Variants in MEAK7 observed in about 807,000 individuals in gnomAD.
The protein encoded by MEAK7 is MTOR-associated protein MEAK7.
In MEAK7, 68 loss-of-function variants were observed where a neutral mutation model predicts 40.5. The ratio of observed to expected loss-of-function variants is 1.68; its 90% CI spans 1.38 to 2.06. The LOEUF (loss-of-function observed/expected upper bound fraction) is 2.06. Ranked by LOEUF, MEAK7 falls within the 30% of genes most tolerant of loss-of-function variation. MEAK7 has a pLI of 0.00. For missense variants in MEAK7, 918 were observed against 580.5 expected (o/e 1.58, Z -5.98); for synonymous variants, 338 against 231.9 (o/e 1.46, Z -4.16).
chr16:84,483,002 G>A (rs763126368), intron 5 of MEAK7, among the ~76,000 whole-genome samples: 2 of 152,192 alleles, frequency 1.3e-5, no homozygotes, highest in Non-Finnish European at 1.5e-5. Flanking sequence ...GTTCAGGCTG[G>A]CCAAGCACAT....
Position 84,481,791 on chromosome 16 carries a change from A to G in MEAK7, c.1077+801T>C, listed in dbSNP as rs1211147549. Among the ~76,000 whole-genome samples the G allele has an allele frequency of 2.0e-5, 3 of 152,090 alleles. No homozygotes were observed. The East Asian group carries it at 5.8e-4, about 29-fold the overall frequency. On this transcript the variant is annotated intron_variant, in intron 6 of 7. Coordinates refer to ENST00000343629, the MANE Select transcript of MEAK7 (RefSeq NM_020947.4). ...TACTAAAAATACAAAAAAATTAGCC[A>G]GGCGTGATAGCGGGTGCCTGTGGTC...
intron 5 of MEAK7, among the ~76,000 whole-genome samples, chr16:84,484,549 GTTC>G (rs1228915368): frequency 3.3e-5 from 5 of 152,166 alleles, no homozygotes; most frequent in South Asian, 2.1e-4. Context: ...AGTATAATCA[GTTC>G]TTCTTTCCTC....
intron 4 of MEAK7, chr16:84,487,770 A>G (rs1913222483): frequency 6.6e-6 from 1 of 152,298 alleles, no homozygotes; most frequent in Admixed American, 6.5e-5. Context: ...GGACTCGAAC[A>G]GCTGGCTTCA....
chr16:84,485,112 C>T (rs1285076232), intron 5 of MEAK7, among the ~76,000 whole-genome samples: 1 of 152,130 alleles, frequency 6.6e-6, no homozygotes, highest in Non-Finnish European at 1.5e-5. Flanking sequence ...GGCTGGTGGG[C>T]ACATGCCCTA....
intron 1 of MEAK7, 116 bp from the exon 2 acceptor site, chr16:84,498,227 T>C (rs1275749642): frequency 3.2e-6 from 4 of 1,239,192 alleles, no homozygotes; most frequent in Admixed American, 2.6e-5. Context: ...AAAATGTAGC[T>C]AAAACACATC....
At chr16:84,484,031 G>A (rs542405736) in intron 5 of MEAK7, among the ~76,000 whole-genome samples, 5 of 152,148 alleles carry the variant, frequency 3.3e-5, no homozygotes, top group East Asian at 1.9e-4. Flanking sequence ...GGTCACACCC[G>A]TCTGCACTGC....
chr16:84,495,132 G>A (rs572895730), intron 3 of MEAK7, among the ~76,000 whole-genome samples: 84 of 152,248 alleles, frequency 5.5e-4, no homozygotes, highest in Non-Finnish European at 9.9e-4. Context: ...GGCCAGGCAC[G>A]GTGGTGTGTG....
chr16:84,488,540 C>A (rs1232978613), intron 4 of MEAK7: 1 of 151,926 alleles, frequency 6.6e-6, no homozygotes, highest in Non-Finnish European at 1.5e-5. Context: ...ATACTATAGG[C>A]CATAAATGAT....
intron 6 of MEAK7, 28 bp from the exon 7 acceptor site, chr16:84,480,736 G>A: frequency 6.3e-7 from 1 of 1,585,406 alleles, no homozygotes; most frequent in Non-Finnish European, 8.6e-7. Flanking sequence ...ACAGAGAATA[G>A]CATCAGCAAC....
rs1312542571 is a variant in MEAK7 at position 84,477,798 on chromosome 16, A to C, written c.*2115T>G. On this transcript the variant is annotated 3_prime_UTR_variant, in exon 8 of 8. Coordinates refer to ENST00000343629, the MANE Select transcript of MEAK7 (RefSeq NM_020947.4). ...CCTGCACACGCCCTAAAAAGGTTTG[A>C]GTGTCCAGAGGCAGAACCGTGCACC... The C allele has an allele frequency of 6.6e-6, 1 of 152,160 alleles. No individual in the cohort carries two copies. Among genetic ancestry groups the C allele is most frequent in the Non-Finnish European group, 1.5e-5 (1 of 68,056 alleles). 9.4% of individuals were successfully genotyped at this position (152,160 alleles called of 1,614,324 possible).
chr16:84,484,497 C>A (rs1181902171), intron 5 of MEAK7, among the ~76,000 whole-genome samples: 1 of 152,152 alleles, frequency 6.6e-6, no homozygotes, highest in Non-Finnish European at 1.5e-5. Flanking sequence ...AGCCTTGGGC[C>A]TTTTCAATGA....
At chr16:84,493,687 G>C (rs1158429027) in intron 3 of MEAK7, among the ~76,000 whole-genome samples, 1 of 151,980 alleles carries the variant, frequency 6.6e-6, no homozygotes, top group Non-Finnish European at 1.5e-5. Flanking sequence ...CTTAATTTAT[G>C]GCAATATAAT....
chr16:84,482,315 C>A (rs917410972), intron 6 of MEAK7, among the ~76,000 whole-genome samples: 3 of 152,238 alleles, frequency 2.0e-5, no homozygotes. Context: ...GGCTACAAAC[C>A]AATCATCTGA....
At chr16:84,480,838 C>T (rs1463542982) in intron 6 of MEAK7, 130 bp from the exon 7 acceptor site, 1 of 1,009,602 alleles carries the variant, frequency 9.9e-7, no homozygotes, top group Non-Finnish European at 1.4e-6. Context: ...TGAATGCCAT[C>T]ATCTTGTTTT....
intron 1 of MEAK7, among the ~76,000 whole-genome samples, chr16:84,499,495 A>G (rs12923086): frequency 0.33 from 50,503 of 152,102 alleles, 8,912 homozygotes; most frequent in East Asian, 0.56. Context: ...AAGGGGTAAC[A>G]GGGTAATCAG....
rs150827577 is a variant in MEAK7, at chr16:84,479,951, G to T, written c.1333C>A (p.His445Asn). The change falls in exon 8 of 8, where the codon CAC (histidine) becomes AAC (asparagine). Residue 445 changes from histidine (H) to asparagine (N), a missense_variant. Transcript: ENST00000343629. ...ALLEISGHSR[H>N]SEGLREVPDD... ...GGGACTTCCCGGAGCCCTTCGCTGT[G>T]GCGCGAATGCCCACTGATCTCCAGC... 6.2e-7 allele frequency: 1 copy of T among 1,610,224 alleles called. No individual in the cohort carries two copies. The highest frequency in any genetic ancestry group is 1.3e-5 in the African/African-American group (1 of 74,854).
chr16:84,488,201 ATTC>A (rs1310306394), intron 4 of MEAK7: 2 of 152,128 alleles, frequency 1.3e-5, no homozygotes, highest in Admixed American at 1.3e-4. Context: ...TATTTTCATG[ATTC>A]TTCTTTTAAA....
rs142060142 is a variant in MEAK7, at chr16:84,480,055, T to A, written c.1258-29A>T. On this transcript the variant is annotated intron_variant, in intron 7 of 7. Transcript: ENST00000343629. ...GAGAAGAGAAGAAAGGGTGGGTGTG[T>A]TCCATGATGGCCCAACAAGAGGCAG... The A allele has an allele frequency of 6.3e-4, 965 of 1,535,488 alleles. 3 individuals are homozygous for A. In the African/African-American group the frequency reaches 0.012, roughly 20 times the overall value.
chr16:84,498,494 C>T (rs1381799799), intron 1 of MEAK7, among the ~76,000 whole-genome samples: 2 of 151,746 alleles, frequency 1.3e-5, no homozygotes, highest in African/African-American at 4.9e-5. Flanking sequence ...AGGCTGGTCT[C>T]CAGCTTCTGG....
Sources: gnomAD v4.1 joint callset for allele counts (sites outside exome capture counted in the v4.1 genomes callset) on GRCh38, gnomAD v4.1.1 for gene constraint, MANE v1.5 for transcripts, NCBI Gene and HGNC (gene_info 2026-07-23, HGNC 2026-07-21) for gene names.